The following STXBP2 variants were observed in gnomAD, a reference collection of about 807,000 sequenced individuals.
STXBP2 encodes the protein syntaxin-binding protein 2.
STXBP2 carries 47 observed loss-of-function variants against 72.2 expected under a neutral mutation model. The ratio of observed to expected loss-of-function variants is 0.65; its 90% CI spans 0.51 to 0.83. The LOEUF (loss-of-function observed/expected upper bound fraction) is 0.83. STXBP2 is among the 40% of genes least tolerant of loss of function. The probability of loss-of-function intolerance (pLI) is 0.00; values close to 1 mark genes in which losing one functional copy is unlikely to be tolerated. For synonymous variants in STXBP2, 367 were observed against 338.7 expected, an observed-to-expected ratio of 1.08 and a Z score of -0.92; for missense variants, 702 against 807.6, an observed-to-expected ratio of 0.87 and a Z score of 1.58.
chr19:7,644,525 C>G, intron 13 of STXBP2, 89 bp from the exon 14 acceptor site: 19 of 1,570,308 alleles, frequency 1.2e-5, no homozygotes, highest in Middle Eastern at 1.9e-4. Flanking sequence ...GTCCTCTTGC[C>G]GAGGATCCTG....
intron 3 of STXBP2, 127 bp from the exon 4 acceptor site, chr19:7,639,604 T>C: frequency 1.2e-6 from 1 of 852,950 alleles, no homozygotes; most frequent in Admixed American, 2.0e-5. Flanking sequence ...CCTAAGTGGG[T>C]TTCTCCTGCA....
At chr19:7,630,858 C>A in the STXBP2 span, 1 of 1,537,248 alleles carries the variant, frequency 6.5e-7, no homozygotes, top group East Asian at 2.4e-5. Context: ...TAAGTGATCT[C>A]TTCTTCCTGC....
At chr19:7,638,695 C>A in intron 1 of STXBP2, 31 bp from the exon 2 acceptor site, 1 of 1,613,446 alleles carries the variant, frequency 6.2e-7, no homozygotes, top group Non-Finnish European at 8.5e-7. Flanking sequence ...AGAGAACCAG[C>A]ATTCTGACCC....
upstream of STXBP2, among the ~76,000 whole-genome samples, chr19:7,634,217 C>A (rs3745362): frequency 3.0e-4 from 46 of 152,188 alleles, no homozygotes; most frequent in African/African-American, 1.1e-3. Context: ...GGGGAGAGGA[C>A]GTCCCTGCCT....
chr19:7,643,056 C>G lies in STXBP2; in HGVS notation c.1026+8C>G. On this transcript the variant is annotated splice_region_variant and intron_variant, in intron 12 of 18. Transcript: ENST00000221283. ...CAGAAGGAGCTGAATAAGGTGTGCT[C>G]GGGTGGGCAGGGAGCGGGGACACCT... The G allele has an allele frequency of 1.9e-6, 3 of 1,614,160 alleles. No individual in the cohort carries two copies. The highest frequency in any genetic ancestry group is 1.7e-6 in the Non-Finnish European group (2 of 1,180,014).
intron 15 of STXBP2, among the ~76,000 whole-genome samples, chr19:7,645,806 C>T (rs1209788878): frequency 6.6e-6 from 1 of 151,430 alleles, no homozygotes; most frequent in Admixed American, 6.6e-5. Context: ...TCATCCATCT[C>T]GCTGTGCACT....
chr19:7,637,056 G>A (rs930522801), upstream of STXBP2: 8 of 1,211,042 alleles, frequency 6.6e-6, no homozygotes, highest in African/African-American at 9.4e-5. Context: ...GGCGGGGACA[G>A]GGCCCGCGGG....
At chr19:7,630,644 T>C in the STXBP2 span, 1 of 1,537,148 alleles carries the variant, frequency 6.5e-7, no homozygotes, top group Admixed American at 2.0e-5. Context: ...TTGAGGACGA[T>C]GTCATACAGC....
the STXBP2 span, chr19:7,630,352 C>T: frequency 1.0e-5 from 6 of 582,320 alleles, no homozygotes; most frequent in African/African-American, 9.3e-5. Context: ...GAGAGGAAGA[C>T]TCCAGCTCAG....
intron 4 of STXBP2, chr19:7,640,514 A>C (rs113027261): frequency 1.5e-6 from 1 of 682,472 alleles, no homozygotes; most frequent in Non-Finnish European, 2.7e-6. Flanking sequence ...GTGTGTGTGC[A>C]TGTGTGCATG....
At chr19:7,640,156 CTGTA>C (rs778985435) in intron 4 of STXBP2, 88 of 506,480 alleles carry the variant, frequency 1.7e-4, no homozygotes, top group South Asian at 5.1e-4. Context: ...CTGTGTGCAT[CTGTA>C]TGTGTGTGTG....
In STXBP2 at chr19:7,641,780, C is replaced by T. The variant is rs1197740570; in HGVS notation, c.505C>T (p.Leu169Phe). 1.3e-6 allele frequency: 2 copies of T among 1,551,544 alleles called. No homozygotes were observed. Among genetic ancestry groups the T allele is most frequent in the African/African-American group, 2.7e-5 (2 of 73,064 alleles). Residue 169 changes from leucine (L) to phenylalanine (F), a missense_variant, in exon 7 of 19, where the codon CTC becomes TTC. Transcript: ENST00000221283. ...CCGGGCAGAGGAGCGCACGCGGCAGCTCGAGGTGCTGGCCCAGCAGATTGC... is the reference window on the plus strand; with the variant it reads ...CCGGGCAGAGGAGCGCACGCGGCAGTTCGAGGTGCTGGCCCAGCAGATTGC... ...PFRAEERTRQLEVLAQQIATL... is the reference protein window; with the variant it reads ...PFRAEERTRQFEVLAQQIATL...
At chr19:7,635,742 A>G (rs968462570), upstream of STXBP2, among the ~76,000 whole-genome samples, 1 of 152,130 alleles carries the variant, frequency 6.6e-6, no homozygotes, top group Non-Finnish European at 1.5e-5. Context: ...AGAAGAAGGA[A>G]GAAAGGAAGG....
rs200873350 is a variant in STXBP2, at chr19:7,640,242, ATC to A, written c.246+437_246+438del. On this transcript the variant is annotated intron_variant, in intron 4 of 18. Coordinates refer to ENST00000221283, the MANE Select transcript of STXBP2 (RefSeq NM_006949.4). ...TGCGTCTGTGTGTGCGTCTGTGTGT[ATC>A]TGTGTGTGCATGTGTGTATGCGTGT... is the stretch of plus-strand genomic sequence containing the variant. The A allele has an allele frequency of 1.9e-4, 90 of 478,932 alleles. 1 individual carries two copies. The East Asian group carries it at 2.7e-3, about 14-fold the overall frequency. The allele number at this position is 478,932 out of a possible 1,614,324, so 29.7% of individuals were successfully genotyped here. A position where few individuals can be genotyped will look rare whatever the true frequency, so the allele number is the denominator to read the frequency against.
At position 7,647,210 on chromosome 19, in the gene STXBP2, G is replaced by A. The variant is rs776782833; in HGVS notation, c.1501G>A (p.Asp501Asn). The change falls in exon 17 of 19, where the codon GAC becomes AAC. Residue 501 changes from aspartate (D) to asparagine (N), a missense_variant. By Grantham distance (23) the Asp-to-Asn change is conservative. Coordinates refer to ENST00000221283, the MANE Select transcript of STXBP2 (RefSeq NM_006949.4). ...LDRNLWPFVS[D>N]PAPTASSQAA... ...CAGGAACCTGTGGCCCTTCGTATCC[G>A]ACCCCGCCCCCACGGCCAGCTCCCA... is the stretch of plus-strand genomic sequence containing the variant. 5.0e-6 allele frequency: 8 copies of A among 1,611,712 alleles called. No individual in the cohort carries two copies. The highest frequency in any genetic ancestry group is 1.7e-4 in the Middle Eastern group (1 of 5,918).
chr19:7,640,206 A>C, intron 4 of STXBP2: 3 of 463,904 alleles, frequency 6.5e-6, no homozygotes, highest in East Asian at 5.5e-5. Flanking sequence ...ATGCGTGTGT[A>C]TGTATGTGTC....
chr19:7,630,711 T>G, the STXBP2 span: 2 of 1,531,268 alleles, frequency 1.3e-6, no homozygotes, highest in East Asian at 2.4e-5. Flanking sequence ...GGAGAGGGTG[T>G]GGGGCAGCAG....
At chr19:7,641,107 G>A (rs1277649718) in intron 6 of STXBP2, 104 bp downstream of exon 6, 4 of 1,231,916 alleles carry the variant, frequency 3.2e-6, no homozygotes, top group Non-Finnish European at 4.6e-6. Context: ...GCTCATACCT[G>A]TAATCCCAGC....
chr19:7,632,959 C>T (rs1257809123), upstream of STXBP2: 21 of 1,470,462 alleles, frequency 1.4e-5, no homozygotes, highest in Admixed American at 2.4e-5. This position sits in a 1 kb window ranked among gnomAD's most constrained non-coding sequence, Gnocchi z 5.2. Flanking sequence ...TCACCATGGT[C>T]CCCGCCGATC....
Sources: allele counts gnomAD v4.1 joint callset (sites outside exome capture counted in the v4.1 genomes callset), GRCh38; gene constraint gnomAD v4.1.1; non-coding constraint Gnocchi (gnomAD v3.1); transcripts MANE v1.5; gene names NCBI Gene and HGNC (gene_info 2026-07-23, HGNC 2026-07-21).